CYP27A1: variants seen among roughly 807,000 people sequenced by gnomAD.
The protein encoded by CYP27A1 is sterol 26-hydroxylase, mitochondrial.
CYP27A1 carries 46 observed loss-of-function variants against 58.2 expected under a neutral mutation model. The ratio of observed to expected loss-of-function variants is 0.79; its 90% CI spans 0.62 to 1.01. The LOEUF is 1.01. CYP27A1 is among the 50% of genes least tolerant of loss of function. The pLI, the probability that CYP27A1 is intolerant of heterozygous loss-of-function variation, is 0.00. For missense variants in CYP27A1, 704 were observed against 687.0 expected, an observed-to-expected ratio of 1.02 and a Z score of -0.28; for synonymous variants, 274 against 285.1, an observed-to-expected ratio of 0.96 and a Z score of 0.39.
Position 218,812,300 on chromosome 2 carries a change from G to A in CYP27A1, c.525G>A (p.Thr175=), listed in dbSNP as rs200506778. Residue 175 remains threonine (T), a synonymous_variant, in exon 3 of 9, where the codon ACG becomes ACA. Coordinates refer to ENST00000258415, the MANE Select transcript of CYP27A1 (RefSeq NM_000784.4). ...LLKPAEAALY[T]DAFNEVIDDF... ...AGCCAGCGGAAGCAGCGCTCTATAC[G>A]GATGCTTTCAATGAGGTGATTGATG... 9.9e-6 allele frequency: 16 copies of A among 1,614,018 alleles called. No individual in the cohort carries two copies. The highest frequency in any genetic ancestry group is 3.3e-4 in the Middle Eastern group (2 of 6,084).
chr2:218,804,982 C>A (rs11904216), intron 1 of CYP27A1, among the ~76,000 whole-genome samples: 6,529 of 152,244 alleles, frequency 0.043, 459 homozygotes, highest in African/African-American at 0.14. Context: ...AGAGGGCAAG[C>A]TCTCTGGTGT....
chr2:218,794,185 A>C (rs1466778069), intron 1 of CYP27A1, among the ~76,000 whole-genome samples: 1 of 152,180 alleles, frequency 6.6e-6, no homozygotes, highest in Non-Finnish European at 1.5e-5. Context: ...GCTCCACCCC[A>C]GTGCGCGGAC....
At chr2:218,811,641 G>A (rs1943716515) in intron 2 of CYP27A1, among the ~76,000 whole-genome samples, 2 of 152,158 alleles carry the variant, frequency 1.3e-5, no homozygotes, top group South Asian at 4.1e-4. Context: ...GGGCCTCCCT[G>A]TCCCTCTGAC....
Position 218,814,115 on chromosome 2 carries a change from C to T in CYP27A1, c.1112C>T (p.Ala371Val), listed in dbSNP as rs375590401. 74 of 1,614,134 alleles carry T rather than the reference C, an allele frequency of 4.6e-5. No individual in the cohort carries two copies. The highest frequency in any genetic ancestry group is 6.2e-5 in the Non-Finnish European group (73 of 1,180,052). Residue 371 changes from alanine (A) to valine (V), a missense_variant, in exon 6 of 9, where the codon GCC becomes GTC. Coordinates refer to ENST00000258415, the MANE Select transcript of CYP27A1 (RefSeq NM_000784.4). ...LHEEVVGVVP[A>V]GQVPQHKDFA... ...GAGGAAGTGGTGGGTGTGGTGCCAG[C>T]CGGGCAAGTGCCCCAGCACAAGGAC... is the stretch of plus-strand genomic sequence containing the variant.
At chr2:218,810,273 C>A (rs1943698689) in intron 2 of CYP27A1, among the ~76,000 whole-genome samples, 1 of 150,200 alleles carries the variant, frequency 6.7e-6, no homozygotes, top group South Asian at 2.1e-4. Flanking sequence ...AGTGAGACTC[C>A]ATCTCAAAAA....
Position 218,814,745 on chromosome 2 carries a change from A to G in CYP27A1, c.1464A>G (p.Leu488=). The change falls in exon 8 of 9, where the codon CTA becomes CTG. Residue 488 remains leucine (L), a synonymous_variant. Coordinates refer to ENST00000258415, the MANE Select transcript of CYP27A1 (RefSeq NM_000784.4). ...GRRIAELEMQ[L]LLARLIQKYK... ...GGATTGCAGAGCTGGAGATGCAGCT[A>G]CTCCTCGCAAGGGTGAGCTGGGAGA... 1 of 1,613,762 alleles carries G rather than the reference A, an allele frequency of 6.2e-7. No homozygotes were observed. The highest frequency in any genetic ancestry group is 1.7e-5 in the Admixed American group (1 of 59,972).
chr2:218,798,827 G>C (rs143312134), intron 1 of CYP27A1, among the ~76,000 whole-genome samples: 51 of 152,310 alleles, frequency 3.3e-4, no homozygotes, highest in African/African-American at 1.2e-3. Flanking sequence ...AAATTGTAGT[G>C]AGCTGAGATT....
chr2:218,805,076 C>T (rs1485823883), intron 1 of CYP27A1, among the ~76,000 whole-genome samples: 1 of 152,128 alleles, frequency 6.6e-6, no homozygotes, highest in Non-Finnish European at 1.5e-5. Context: ...CCTTAGAGGC[C>T]CCATCAACAA....
chr2:218,806,393 C>G (rs1260245824), intron 1 of CYP27A1, among the ~76,000 whole-genome samples: 1 of 152,192 alleles, frequency 6.6e-6, no homozygotes, highest in African/African-American at 2.4e-5. Flanking sequence ...TGTCTAGAGA[C>G]ATCTGTGGTA....
rs889205695 is a variant in CYP27A1 at position 218,813,281 on chromosome 2, G to A, written c.1017+185G>A. Reference sequence around the variant, plus strand: ...GCTTAGCCGAGGTGGGAGGACAGGGGATGGTCCTTTTGTAAGAAGGATGCC... The same window carrying A: ...GCTTAGCCGAGGTGGGAGGACAGGGAATGGTCCTTTTGTAAGAAGGATGCC... On this transcript the variant is annotated intron_variant, in intron 5 of 8. Coordinates refer to ENST00000258415, the MANE Select transcript of CYP27A1 (RefSeq NM_000784.4). Among the ~76,000 whole-genome samples the A allele has an allele frequency of 3.3e-5, 5 of 152,200 alleles. No homozygotes were observed. In the East Asian group the frequency reaches 5.8e-4, roughly 18 times the overall value.
chr2:218,801,123 G>A lies in CYP27A1; in HGVS notation c.256-8454G>A, dbSNP rs139487420. ...ACCATTGTGATAAAGGATTTTGTTCGGATCTTTGATATGTAGCACCTGCCA... is the reference window on the plus strand; with the variant it reads ...ACCATTGTGATAAAGGATTTTGTTCAGATCTTTGATATGTAGCACCTGCCA... On this transcript the variant is annotated intron_variant, in intron 1 of 8. Coordinates refer to ENST00000258415, the MANE Select transcript of CYP27A1 (RefSeq NM_000784.4). 2.4e-3 allele frequency among the ~76,000 whole-genome samples: 359 copies of A among 152,150 alleles called. 4 individuals are homozygous for A. The highest frequency in any genetic ancestry group is 8.2e-3 in the African/African-American group (341 of 41,488).
Position 218,812,918 on chromosome 2 carries a change from T to C in CYP27A1, c.845-6T>C, listed in dbSNP as rs2105980379. ...TGTCCTTTCCTCTTCTCTGTTGCTTTCACAGGGAAGAAGCTGATTGATGAG... is the reference window on the plus strand; with the variant it reads ...TGTCCTTTCCTCTTCTCTGTTGCTTCCACAGGGAAGAAGCTGATTGATGAG... On this transcript the variant is annotated splice_region_variant and splice_polypyrimidine_tract_variant and intron_variant, in intron 4 of 8. Coordinates refer to ENST00000258415, the MANE Select transcript of CYP27A1 (RefSeq NM_000784.4). 1.2e-6 allele frequency: 2 copies of C among 1,614,194 alleles called. No homozygotes were observed. Among genetic ancestry groups the C allele is most frequent in the Non-Finnish European group, 1.7e-6 (2 of 1,180,008 alleles).
chr2:218,796,961 G>A (rs1374528454), intron 1 of CYP27A1, among the ~76,000 whole-genome samples: 1 of 152,136 alleles, frequency 6.6e-6, no homozygotes, highest in South Asian at 2.1e-4. Context: ...ACTATAAACC[G>A]TCTTTCGAAA....
intron 1 of CYP27A1, among the ~76,000 whole-genome samples, chr2:218,808,468 T>C (rs1424756960): frequency 1.3e-5 from 2 of 152,336 alleles, no homozygotes; most frequent in Admixed American, 1.3e-4. Context: ...ATCCAGTTTT[T>C]AACACCAAAA....
intron 1 of CYP27A1, among the ~76,000 whole-genome samples, chr2:218,786,556 T>C (rs1943442221): frequency 6.6e-6 from 1 of 152,220 alleles, no homozygotes; most frequent in Non-Finnish European, 1.5e-5. Context: ...AAAAATTACA[T>C]TGAATGCTGG....
At chr2:218,808,676 A>C (rs1488158517) in intron 1 of CYP27A1, among the ~76,000 whole-genome samples, 1 of 152,226 alleles carries the variant, frequency 6.6e-6, no homozygotes, top group East Asian at 1.9e-4. Context: ...TGAAGTGCCC[A>C]GGAAACCACT....
intron 6 of CYP27A1, 55 bp from the exon 7 acceptor site, chr2:218,814,325 G>A (rs1346289852): frequency 6.2e-7 from 1 of 1,601,076 alleles, no homozygotes; most frequent in South Asian, 1.1e-5. Flanking sequence ...AAGGAGTGGG[G>A]CACTTTGTAC....
intron 1 of CYP27A1, among the ~76,000 whole-genome samples, chr2:218,788,164 G>A (rs1012713984): frequency 1.3e-5 from 2 of 152,188 alleles, no homozygotes; most frequent in Admixed American, 6.5e-5. Flanking sequence ...CATCTTCTGG[G>A]GCCGGAATGG....
Position 218,814,153 on chromosome 2 carries a change from C to T in CYP27A1, c.1150C>T (p.Pro384Ser). The T allele has an allele frequency of 6.2e-7, 1 of 1,614,244 alleles. No homozygotes were observed. The part of the protein sequence containing the change: ...VPQHKDFAHM[P>S]LLKAVLKETL... ...CCAGCACAAGGACTTTGCCCACATG[C>T]CGTTGCTCAAAGCTGTGCTTAAGGA... is the stretch of plus-strand genomic sequence containing the variant. Residue 384 changes from proline (P) to serine (S), a missense_variant, in exon 6 of 9, where the codon CCG becomes TCG. Pro to Ser is a moderately conservative substitution (Grantham distance 74). Transcript: ENST00000258415.
Sources: allele counts gnomAD v4.1 joint callset (sites outside exome capture counted in the v4.1 genomes callset), GRCh38; gene constraint gnomAD v4.1.1; transcripts MANE v1.5; gene names NCBI Gene and HGNC (gene_info 2026-07-23, HGNC 2026-07-21).